SPECC1: variants seen among roughly 807,000 people sequenced by gnomAD.
The protein encoded by SPECC1 is sperm antigen with calponin homology and coiled-coil domains 1.
Under a neutral mutation model 104.1 loss-of-function variants are expected in SPECC1, and 62 were observed. That is an observed-to-expected ratio of 0.60 (90% CI 0.49 to 0.74). SPECC1 has a LOEUF of 0.74. Ranked by LOEUF, SPECC1 falls within the 30% of genes least tolerant of loss-of-function variation. The pLI is 0.00. For synonymous variants in SPECC1, 513 were observed against 501.6 expected, an observed-to-expected ratio of 1.02 and a Z score of -0.30; for missense variants, 1,306 against 1,310.5, an observed-to-expected ratio of 1.00 and a Z score of 0.05.
intron 12 of SPECC1, among the ~76,000 whole-genome samples, chr17:20,262,644 A>G (rs376110916): frequency 4.9e-4 from 74 of 152,292 alleles, no homozygotes; most frequent in African/African-American, 1.7e-3. Flanking sequence ...ATTTCGGAAG[A>G]TTCCAGCACC....
chr17:20,051,124 CTTTCT>C (rs2045752191), intron 1 of SPECC1, among the ~76,000 whole-genome samples: 1 of 119,646 alleles, frequency 8.4e-6, no homozygotes, highest in Admixed American at 8.4e-5. Flanking sequence ...TTCTTTCTTT[CTTTCT>C]TTCTTTCTTT....
At chr17:20,269,883 T>G (rs1311447269) in intron 12 of SPECC1, among the ~76,000 whole-genome samples, 1 of 152,152 alleles carries the variant, frequency 6.6e-6, no homozygotes, top group African/African-American at 2.4e-5. Flanking sequence ...CTGCGTCCTG[T>G]GGGTCCTTCC....
chr17:20,247,510 A>G (rs2039469472), intron 9 of SPECC1, among the ~76,000 whole-genome samples, 191 bp downstream of exon 9: 1 of 152,216 alleles, frequency 6.6e-6, no homozygotes, highest in African/African-American at 2.4e-5. Flanking sequence ...TCATGAGGTC[A>G]GATATTTTTG....
chr17:20,122,813 C>A (rs2049103024), intron 3 of SPECC1, among the ~76,000 whole-genome samples: 1 of 152,154 alleles, frequency 6.6e-6, no homozygotes, highest in Admixed American at 6.5e-5. Flanking sequence ...GTCAGAATTT[C>A]CTTCGTTTTT....
chr17:20,204,295 GCTTT>G, intron 3 of SPECC1, 34 bp from the exon 4 acceptor site: 1 of 1,575,188 alleles, frequency 6.3e-7, no homozygotes, highest in Non-Finnish European at 8.6e-7. Flanking sequence ...AAGAATGCTT[GCTTT>G]ATTTTTTCAT....
chr17:20,176,925 A>G (rs1380224879), intron 3 of SPECC1, among the ~76,000 whole-genome samples: 1 of 152,174 alleles, frequency 6.6e-6, no homozygotes, highest in Non-Finnish European at 1.5e-5. Flanking sequence ...GGGGATTGTT[A>G]TTCAGTGTGC....
At chr17:20,039,135 G>A (rs1192695028) in intron 1 of SPECC1, among the ~76,000 whole-genome samples, 1 of 152,164 alleles carries the variant, frequency 6.6e-6, no homozygotes, top group African/African-American at 2.4e-5. Context: ...GTCCATCCAA[G>A]CCTTCGGCAA....
intron 1 of SPECC1, among the ~76,000 whole-genome samples, chr17:20,087,759 C>T (rs1240246892): frequency 2.0e-5 from 3 of 152,198 alleles, no homozygotes; most frequent in Non-Finnish European, 4.4e-5. Context: ...CACAGGAAGG[C>T]AGATAACCCA....
intron 12 of SPECC1, among the ~76,000 whole-genome samples, chr17:20,279,221 T>C (rs758495420): frequency 1.8e-4 from 28 of 152,212 alleles, no homozygotes; most frequent in Non-Finnish European, 3.5e-4. Flanking sequence ...AAAGAAGTAA[T>C]TTCATGGCAA....
chr17:20,112,170 G>A (rs2048527081), intron 3 of SPECC1: 1 of 763,488 alleles, frequency 1.3e-6, no homozygotes. Flanking sequence ...ATAGTATGCT[G>A]GCCCACATGT....
intron 5 of SPECC1, among the ~76,000 whole-genome samples, chr17:20,228,531 A>C (rs1260019749): frequency 6.6e-6 from 1 of 152,182 alleles, no homozygotes; most frequent in Non-Finnish European, 1.5e-5. Context: ...ATTCAGAAGA[A>C]ATTGCTTGCC....
intron 13 of SPECC1, among the ~76,000 whole-genome samples, chr17:20,298,988 G>A (rs865912311): frequency 5.3e-5 from 4 of 75,746 alleles, no homozygotes; most frequent in Middle Eastern, 5.1e-3. Flanking sequence ...GAGAGAGAGA[G>A]AGAGAGAGGT....
intron 1 of SPECC1, among the ~76,000 whole-genome samples, chr17:20,043,483 C>T (rs1206497692): frequency 1.3e-5 from 2 of 152,174 alleles, no homozygotes. Flanking sequence ...AAGCCACATC[C>T]TTTTGTTCTC....
intron 3 of SPECC1, among the ~76,000 whole-genome samples, chr17:20,118,413 C>T (rs2048868937): frequency 6.6e-6 from 1 of 152,164 alleles, no homozygotes; most frequent in South Asian, 2.1e-4. Context: ...GGGAAACAAC[C>T]TAAGTATGTA....
Position 20,315,294 on chromosome 17 carries a change from C to A in SPECC1, c.*1229C>A, listed in dbSNP as rs1352026486. On this transcript the variant is annotated 3_prime_UTR_variant, in exon 15 of 15. Transcript: ENST00000395527. ...GCGGTGAGGGCACATTTATAACTAA[C>A]AAAGAAGAATGCAGTTGCCCCAGCA... 8.6e-6 allele frequency: 2 copies of A among 232,706 alleles called. No individual in the cohort carries two copies. Among genetic ancestry groups the A allele is most frequent in the Non-Finnish European group, 1.7e-5 (2 of 117,710 alleles). 14.4% of individuals were successfully genotyped at this position (232,706 alleles called of 1,614,324 possible).
intron 1 of SPECC1, among the ~76,000 whole-genome samples, chr17:20,027,970 A>G (rs2044659235): frequency 1.3e-5 from 2 of 152,190 alleles, no homozygotes; most frequent in South Asian, 4.1e-4. Flanking sequence ...TTTTGGTGTC[A>G]TGTCTAAGAA....
At chr17:20,245,611 A>AT (rs1268103187) in intron 7 of SPECC1, among the ~76,000 whole-genome samples, 1 of 152,094 alleles carries the variant, frequency 6.6e-6, no homozygotes, top group Admixed American at 6.6e-5. Flanking sequence ...TAACATTTGC[A>AT]TTTTTTCACA....
At chr17:20,221,585 T>A (rs961609546) in intron 4 of SPECC1, among the ~76,000 whole-genome samples, 3 of 152,152 alleles carry the variant, frequency 2.0e-5, no homozygotes, top group African/African-American at 7.2e-5. Context: ...CAATTTTGTT[T>A]ATCTTTTCAA....
At chr17:20,292,661 A>C (rs775951757) in intron 12 of SPECC1, among the ~76,000 whole-genome samples, 1 of 152,198 alleles carries the variant, frequency 6.6e-6, no homozygotes, top group Non-Finnish European at 1.5e-5. Context: ...TCCAGGTTTC[A>C]TCAGGTAGCT....
Sources: allele counts gnomAD v4.1 joint callset (sites outside exome capture counted in the v4.1 genomes callset), GRCh38; gene constraint gnomAD v4.1.1; transcripts MANE v1.5; gene names NCBI Gene and HGNC (gene_info 2026-07-23, HGNC 2026-07-21).